The following FNDC3A variants were observed in gnomAD, a reference collection of about 807,000 sequenced individuals.
FNDC3A encodes the protein fibronectin type III domain containing 3A.
Under a neutral mutation model 148.9 loss-of-function variants are expected in FNDC3A, and 32 were observed. The observed-to-expected ratio is 0.21, with a 90% CI of 0.16 to 0.29. FNDC3A has a LOEUF of 0.29. Ranked by LOEUF, FNDC3A falls within the 10% of genes least tolerant of loss-of-function variation. The pLI is 1.00. For synonymous variants in FNDC3A, 472 were observed against 473.6 expected, an observed-to-expected ratio of 1.00 and a Z score of 0.04; for missense variants, 1,191 against 1,452.8, an observed-to-expected ratio of 0.82 and a Z score of 2.93.
At chr13:49,068,441 A>C (rs1471726695) in intron 2 of FNDC3A, among the ~76,000 whole-genome samples, 3 of 152,118 alleles carry the variant, frequency 2.0e-5, no homozygotes, top group African/African-American at 7.2e-5. Context: ...ACAAAATAGC[A>C]GAAAATCTAA....
chr13:48,986,387 T>TTTTTTTTG (rs1951797002), intron 1 of FNDC3A, among the ~76,000 whole-genome samples: 1 of 89,876 alleles, frequency 1.1e-5, no homozygotes, highest in Non-Finnish European at 2.1e-5. Context: ...AGGAAGTTGT[T>TTTTTTTTG]TTTTTTTTTT....
rs780332741 is a variant in FNDC3A at position 49,175,479 on chromosome 13, C to T, written c.1468C>T (p.Pro490Ser). The change falls in exon 13 of 26, where the codon CCC (proline) becomes TCC (serine). Residue 490 changes from proline (P) to serine (S), a missense_variant. Transcript: ENST00000492622. ...TTGGTTATCCTTACAATGGAGTAAGCCCTCAGGAACACCATCAGATGAAGG... is the reference window on the plus strand; with the variant it reads ...TTGGTTATCCTTACAATGGAGTAAGTCCTCAGGAACACCATCAGATGAAGG... The part of the protein sequence containing the change: ...ITWLSLQWSK[P>S]SGTPSDEGIS... 3.7e-6 allele frequency: 6 copies of T among 1,612,602 alleles called. No homozygotes were observed. The Middle Eastern group carries it at 5.0e-4, about 133-fold the overall frequency.
chr13:49,090,759 T>C (rs1055788606), intron 3 of FNDC3A, among the ~76,000 whole-genome samples: 1 of 151,988 alleles, frequency 6.6e-6, no homozygotes, highest in Non-Finnish European at 1.5e-5. Context: ...CACGACACTT[T>C]GGGAGGCCAA....
chr13:49,040,038 T>C (rs1278368040), intron 2 of FNDC3A, among the ~76,000 whole-genome samples: 9 of 152,218 alleles, frequency 5.9e-5, no homozygotes. Context: ...GTGACAGTTT[T>C]GTGTACATAT....
chr13:49,084,056 G>A (rs1000355789), intron 3 of FNDC3A, among the ~76,000 whole-genome samples: 1 of 152,188 alleles, frequency 6.6e-6, no homozygotes, highest in South Asian at 2.1e-4. Flanking sequence ...ATTGCTCATG[G>A]TAGACCTATA....
At chr13:49,092,661 A>T (rs1566244530) in intron 3 of FNDC3A, among the ~76,000 whole-genome samples, 2 of 152,118 alleles carry the variant, frequency 1.3e-5, no homozygotes, top group African/African-American at 4.8e-5. Flanking sequence ...ACACAGGAGC[A>T]TGCATACATA....
intron 19 of FNDC3A, among the ~76,000 whole-genome samples, chr13:49,195,036 T>G (rs1886080875): frequency 6.6e-6 from 1 of 152,200 alleles, no homozygotes; most frequent in South Asian, 2.1e-4. Context: ...CAGATTTGTC[T>G]GTATTTTCTC....
At chr13:49,146,179 C>A in intron 8 of FNDC3A, 1 of 416,350 alleles carries the variant, frequency 2.4e-6, no homozygotes, top group Non-Finnish European at 4.3e-6. Context: ...AGTAGGCTCC[C>A]TAATAGATGG....
intron 4 of FNDC3A, among the ~76,000 whole-genome samples, chr13:49,128,159 C>T (rs899178762): frequency 6.6e-6 from 1 of 152,158 alleles, no homozygotes; most frequent in African/African-American, 2.4e-5. Flanking sequence ...GGATTACAGG[C>T]GTGAGCCACT....
chr13:49,151,763 G>A (rs1458384142), intron 8 of FNDC3A, among the ~76,000 whole-genome samples: 2 of 152,070 alleles, frequency 1.3e-5, no homozygotes, highest in East Asian at 3.9e-4. Context: ...AGTGTGTGAT[G>A]TTCCCGGCCC....
At position 49,145,853 on chromosome 13, in the gene FNDC3A, G is replaced by A. The variant is rs1333730216; in HGVS notation, c.895G>A (p.Glu299Lys). ...PSSLINGETD[E>K]SSVPELYGYE... ...CAGCCTCATTAATGGTGAAACAGAT[G>A]AAAGTAGTGTACCAGAGCTCTATGG... is the stretch of plus-strand genomic sequence containing the variant. The change falls in exon 8 of 26, where the codon GAA (glutamate) becomes AAA (lysine). Residue 299 changes from glutamate (E) to lysine (K), a missense_variant. Transcript: ENST00000492622. The A allele has an allele frequency of 1.9e-6, 3 of 1,613,396 alleles. No homozygotes were observed. Among genetic ancestry groups the A allele is most frequent in the East Asian group, 2.2e-5 (1 of 44,864 alleles).
At chr13:49,038,825 AT>A (rs1321332828) in intron 2 of FNDC3A, among the ~76,000 whole-genome samples, 1 of 152,170 alleles carries the variant, frequency 6.6e-6, no homozygotes, top group Non-Finnish European at 1.5e-5. Flanking sequence ...AAGTTAACTT[AT>A]ATCTGTAAAA....
chr13:49,187,228 G>C (rs2138094493), intron 16 of FNDC3A, 38 bp downstream of exon 16: 1 of 1,387,228 alleles, frequency 7.2e-7, no homozygotes, highest in East Asian at 2.3e-5. Flanking sequence ...ATTTATTCCA[G>C]CCAGTCTCTT....
chr13:49,000,694 T>A (rs1465416852), intron 1 of FNDC3A, among the ~76,000 whole-genome samples: 1 of 152,222 alleles, frequency 6.6e-6, no homozygotes, highest in East Asian at 1.9e-4. Context: ...ATGAAATCTT[T>A]CACTTTGTGA....
chr13:49,023,291 A>G (rs1460008580), intron 2 of FNDC3A, among the ~76,000 whole-genome samples: 1 of 151,926 alleles, frequency 6.6e-6, no homozygotes, highest in Admixed American at 6.6e-5. Context: ...TAAACTATAT[A>G]TATTTCCAAT....
chr13:49,110,456 C>T, intron 3 of FNDC3A: 2 of 1,216,006 alleles, frequency 1.6e-6, no homozygotes, highest in Non-Finnish European at 2.4e-6. Flanking sequence ...AGACAGAAAG[C>T]ATTGTATTAA....
At chr13:49,075,061 AGT>A (rs374719782) in intron 2 of FNDC3A, among the ~76,000 whole-genome samples, 1 of 152,160 alleles carries the variant, frequency 6.6e-6, no homozygotes, top group Admixed American at 6.5e-5. Context: ...TTCTAATGAA[AGT>A]GTGTCACTTT....
chr13:49,181,118 T>G (rs1448107276), intron 14 of FNDC3A, among the ~76,000 whole-genome samples: 1 of 152,134 alleles, frequency 6.6e-6, no homozygotes. Flanking sequence ...TGTGTTTCAC[T>G]ATGGTGGTCA....
chr13:49,161,077 T>C (rs1350690899), intron 8 of FNDC3A, among the ~76,000 whole-genome samples: 1 of 152,222 alleles, frequency 6.6e-6, no homozygotes, highest in Non-Finnish European at 1.5e-5. Flanking sequence ...GATGTGGTGC[T>C]GAGAAGAATG....
Sources: gnomAD v4.1 joint callset for allele counts (sites outside exome capture counted in the v4.1 genomes callset) on GRCh38, gnomAD v4.1.1 for gene constraint, MANE v1.5 for transcripts, NCBI Gene and HGNC (gene_info 2026-07-23, HGNC 2026-07-21) for gene names.